DOK6: variants seen among roughly 807,000 people sequenced by gnomAD.
DOK6 encodes docking protein 6.
In DOK6, 22 loss-of-function variants were observed where a neutral mutation model predicts 44.0. The ratio of observed to expected loss-of-function variants is 0.50; its 90% CI spans 0.36 to 0.71. The LOEUF is 0.71. Ranked by LOEUF, DOK6 falls within the 30% of genes least tolerant of loss-of-function variation. The probability of loss-of-function intolerance (pLI) is 0.00; values close to 1 mark genes in which losing one functional copy is unlikely to be tolerated. For synonymous variants in DOK6, 166 were observed against 145.5 expected (o/e 1.14, Z -1.01); for missense variants, 340 against 416.4 (o/e 0.82, Z 1.60).
At chr18:69,402,701 G>GT (rs1916126459) in intron 1 of DOK6, among the ~76,000 whole-genome samples, 2 of 152,240 alleles carry the variant, frequency 1.3e-5, no homozygotes, top group African/African-American at 4.8e-5. Flanking sequence ...GCAAGAGCGA[G>GT]TGCGGAGCTG....
At chr18:69,416,573 G>C (rs1978345943) in intron 1 of DOK6, among the ~76,000 whole-genome samples, 1 of 152,042 alleles carries the variant, frequency 6.6e-6, no homozygotes, top group Admixed American at 6.6e-5. Flanking sequence ...TCTGCCTTCT[G>C]TTCTTAATAA....
chr18:69,752,024 C>G (rs1979197448), intron 6 of DOK6, among the ~76,000 whole-genome samples: 2 of 151,262 alleles, frequency 1.3e-5, no homozygotes, highest in African/African-American at 4.9e-5. Context: ...TTAATTAATA[C>G]TTAACTTGAG....
chr18:69,509,015 G>C (rs1170882136), intron 1 of DOK6, among the ~76,000 whole-genome samples: 1 of 152,176 alleles, frequency 6.6e-6, no homozygotes, highest in African/African-American at 2.4e-5. Flanking sequence ...ATAGAACAAT[G>C]ATGTGTATTC....
chr18:69,544,007 G>A (rs1464642790), intron 1 of DOK6, among the ~76,000 whole-genome samples: 1 of 151,038 alleles, frequency 6.6e-6, no homozygotes, highest in Admixed American at 6.6e-5. Flanking sequence ...GTTAGTTCAT[G>A]ACAGTTCTTG....
At chr18:69,542,223 A>G (rs1660306276) in intron 1 of DOK6, among the ~76,000 whole-genome samples, 1 of 151,430 alleles carries the variant, frequency 6.6e-6, no homozygotes, top group Non-Finnish European at 1.5e-5. Context: ...CAACTTAGCA[A>G]ACTTAACAAT....
intron 1 of DOK6, among the ~76,000 whole-genome samples, chr18:69,561,068 A>AATTGT (rs1454982922): frequency 1.3e-5 from 2 of 152,178 alleles, no homozygotes; most frequent in African/African-American, 4.8e-5. Context: ...ATGTGCAGAA[A>AATTGT]ATTGTACCTA....
intron 3 of DOK6, among the ~76,000 whole-genome samples, chr18:69,632,628 G>A (rs1984715079): frequency 6.6e-6 from 1 of 152,114 alleles, no homozygotes; most frequent in Non-Finnish European, 1.5e-5. Flanking sequence ...CTGTCCTCTT[G>A]ACTGGTAGCA....
In DOK6 at chr18:69,535,525, T is replaced by A. The variant is rs140755083; in HGVS notation, c.67-28962T>A. 4.5e-4 allele frequency among the ~76,000 whole-genome samples: 68 copies of A among 151,982 alleles called. 1 individual carries two copies. The South Asian group carries it at 5.8e-3, about 13-fold the overall frequency. On this transcript the variant is annotated intron_variant, in intron 1 of 7. Transcript: ENST00000382713. Reference sequence around the variant, plus strand: ...TCAACCCCTAGATTTTTAAAAAAAATTTTCTAGGTTAATGAACTTGCTATG... The same window carrying A: ...TCAACCCCTAGATTTTTAAAAAAAAATTTCTAGGTTAATGAACTTGCTATG...
chr18:69,697,043 C>T (rs1986404499), intron 4 of DOK6, among the ~76,000 whole-genome samples: 1 of 152,072 alleles, frequency 6.6e-6, no homozygotes, highest in Non-Finnish European at 1.5e-5. Flanking sequence ...AAGCTATTGT[C>T]CAAAATATCA....
At chr18:69,780,227 T>C (rs572120707) in intron 7 of DOK6, among the ~76,000 whole-genome samples, 58 of 152,304 alleles carry the variant, frequency 3.8e-4, no homozygotes, top group Non-Finnish European at 6.2e-4. Flanking sequence ...AAAAGGCTCT[T>C]TCCAGCATTG....
chr18:69,408,680 C>A (rs1006758881), intron 1 of DOK6, among the ~76,000 whole-genome samples: 3 of 152,082 alleles, frequency 2.0e-5, no homozygotes, highest in African/African-American at 7.2e-5. Flanking sequence ...TCTGACAAAT[C>A]AAAAGGCAGT....
chr18:69,698,093 G>A lies in DOK6; in HGVS notation c.410-311G>A, dbSNP rs7241440. ...GGAACAGACCATAAGCACAATTTGG[G>A]CAGAGACTCCCTTAACTTTTGCCCT... On this transcript the variant is annotated intron_variant, in intron 4 of 7. Coordinates refer to ENST00000382713, the MANE Select transcript of DOK6 (RefSeq NM_152721.6). 4.5e-3 allele frequency among the ~76,000 whole-genome samples: 691 copies of A among 152,272 alleles called. 6 individuals carry two copies. The highest frequency in any genetic ancestry group is 0.016 in the African/African-American group (662 of 41,552).
At chr18:69,438,750 G>T (rs1599131512) in intron 1 of DOK6, among the ~76,000 whole-genome samples, 2 of 152,152 alleles carry the variant, frequency 1.3e-5, no homozygotes, top group Non-Finnish European at 2.9e-5. Context: ...ATGGGTGGCA[G>T]AATGGATGTT....
intron 5 of DOK6, among the ~76,000 whole-genome samples, chr18:69,701,632 T>C (rs918157905): frequency 6.6e-6 from 1 of 152,200 alleles, no homozygotes; most frequent in African/African-American, 2.4e-5. Flanking sequence ...TTTCAAAAAC[T>C]AAGCACCCAT....
intron 3 of DOK6, among the ~76,000 whole-genome samples, chr18:69,649,427 AT>A (rs1016665963): frequency 3.9e-5 from 6 of 152,142 alleles, no homozygotes; most frequent in Admixed American, 6.5e-5. Flanking sequence ...AAATAGGGGT[AT>A]TTTAGTTTGG....
intron 6 of DOK6, among the ~76,000 whole-genome samples, chr18:69,748,842 A>T (rs927205817): frequency 6.6e-6 from 1 of 152,218 alleles, no homozygotes; most frequent in Non-Finnish European, 1.5e-5. Context: ...TCTATTACAA[A>T]GATACAGGCA....
intron 1 of DOK6, among the ~76,000 whole-genome samples, chr18:69,498,646 A>G (rs2144546461): frequency 6.6e-6 from 1 of 152,330 alleles, no homozygotes; most frequent in East Asian, 1.9e-4. Flanking sequence ...GGTCACAGTT[A>G]GCCTATATTG....
At chr18:69,566,337 C>T (rs1175674352) in intron 2 of DOK6, among the ~76,000 whole-genome samples, 2 of 152,040 alleles carry the variant, frequency 1.3e-5, no homozygotes, top group Non-Finnish European at 2.9e-5. Context: ...GGGATTTCAC[C>T]GTGTTAGCCA....
At chr18:69,431,724 A>T (rs953576456) in intron 1 of DOK6, among the ~76,000 whole-genome samples, 1 of 152,186 alleles carries the variant, frequency 6.6e-6, no homozygotes, top group African/African-American at 2.4e-5. Flanking sequence ...AATTTGTTTA[A>T]TTACTGCCTA....
Sources: allele counts gnomAD v4.1 joint callset (sites outside exome capture counted in the v4.1 genomes callset), GRCh38; gene constraint gnomAD v4.1.1; transcripts MANE v1.5; gene names NCBI Gene and HGNC (gene_info 2026-07-23, HGNC 2026-07-21).